The following SYT2 variants were observed in gnomAD, a reference collection of about 807,000 sequenced individuals.
SYT2 encodes synaptotagmin-2.
A neutral mutation model predicts 39.9 loss-of-function variants in SYT2; 15 were observed. The observed-to-expected ratio is 0.38, with a 90% CI of 0.25 to 0.58. The LOEUF (loss-of-function observed/expected upper bound fraction) is 0.58. SYT2 is among the 20% of genes least tolerant of loss of function. The pLI, the probability that SYT2 is intolerant of heterozygous loss-of-function variation, is 0.70. For synonymous variants in SYT2, 181 were observed against 204.5 expected, an observed-to-expected ratio of 0.89 and a Z score of 0.98; for missense variants, 389 against 530.3, an observed-to-expected ratio of 0.73 and a Z score of 2.62.
At chr1:202,641,123 A>G (rs1288897965) in intron 1 of SYT2, among the ~76,000 whole-genome samples, 4 of 152,236 alleles carry the variant, frequency 2.6e-5, no homozygotes, top group African/African-American at 9.6e-5. Context: ...GCTCTAAGAT[A>G]TAAAGTAATT....
intron 5 of SYT2, 26 bp downstream of exon 5, chr1:202,602,352 G>A: frequency 6.2e-7 from 1 of 1,605,462 alleles, no homozygotes; most frequent in Non-Finnish European, 8.5e-7. Flanking sequence ...GCAGGGAGCT[G>A]GAGTCACCCT....
chr1:202,694,888 C>A (rs979839136), intron 1 of SYT2, among the ~76,000 whole-genome samples: 2 of 152,096 alleles, frequency 1.3e-5, no homozygotes, highest in Admixed American at 1.3e-4. Context: ...CATGTCTATA[C>A]CCACACTCAT....
chr1:202,694,230 G>T (rs1237058919), intron 1 of SYT2, among the ~76,000 whole-genome samples: 2 of 152,228 alleles, frequency 1.3e-5, no homozygotes, highest in Non-Finnish European at 2.9e-5. Flanking sequence ...TGGGATACAT[G>T]TGTAATGGTA....
intron 1 of SYT2, among the ~76,000 whole-genome samples, chr1:202,690,959 G>A (rs1036981690): frequency 6.6e-6 from 1 of 152,046 alleles, no homozygotes; most frequent in Non-Finnish European, 1.5e-5. Flanking sequence ...ACTTGACCAC[G>A]GATACTCCTG....
intron 1 of SYT2, among the ~76,000 whole-genome samples, chr1:202,669,646 T>C (rs113150900): frequency 0.012 from 1,755 of 151,430 alleles, 27 homozygotes; most frequent in African/African-American, 0.041. Flanking sequence ...GTGGTCTCAG[T>C]TAATCAGAGG....
chr1:202,680,018 A>G (rs745953692), intron 1 of SYT2, among the ~76,000 whole-genome samples: 7 of 152,186 alleles, frequency 4.6e-5, no homozygotes, highest in Non-Finnish European at 1.0e-4. Context: ...TCTTAGCATG[A>G]CCAGTGTTCC....
rs369518303 is a variant in SYT2, at chr1:202,647,528, G to A, written c.-17-41739C>T. 5.9e-5 allele frequency among the ~76,000 whole-genome samples: 9 copies of A among 151,888 alleles called. No individual in the cohort carries two copies. The East Asian group carries it at 1.2e-3, about 20-fold the overall frequency. On this transcript the variant is annotated intron_variant, in intron 1 of 8. Transcript: ENST00000367268. ...CAACAGTAGCTGAGGCTACCTGCCTGGGCAGTGTGGAGGCAGCCTTGCTGG... is the reference window on the plus strand; with the variant it reads ...CAACAGTAGCTGAGGCTACCTGCCTAGGCAGTGTGGAGGCAGCCTTGCTGG...
At chr1:202,672,517 C>T (rs760182607) in intron 1 of SYT2, among the ~76,000 whole-genome samples, 8 of 151,624 alleles carry the variant, frequency 5.3e-5, no homozygotes, top group African/African-American at 1.2e-4. Context: ...TTCATTTTAG[C>T]GGCTGGTGCA....
intron 1 of SYT2, among the ~76,000 whole-genome samples, chr1:202,695,178 T>C (rs1172485164): frequency 6.6e-6 from 1 of 152,188 alleles, no homozygotes; most frequent in African/African-American, 2.4e-5. Flanking sequence ...TTGGACCTTT[T>C]GTAATCTGCA....
intron 1 of SYT2, among the ~76,000 whole-genome samples, chr1:202,647,548 T>C (rs59815839): frequency 0.29 from 43,865 of 151,722 alleles, 6,525 homozygotes; most frequent in East Asian, 0.44. Flanking sequence ...GAGGCAGCCT[T>C]GCTGGAAACC....
At chr1:202,674,321 C>G (rs749811765) in intron 1 of SYT2, among the ~76,000 whole-genome samples, 1 of 152,070 alleles carries the variant, frequency 6.6e-6, no homozygotes, top group Non-Finnish European at 1.5e-5. Context: ...AGGCTGGTCT[C>G]GAACTCCTGA....
intron 1 of SYT2, among the ~76,000 whole-genome samples, chr1:202,671,212 C>CT (rs1277193707): frequency 7.2e-5 from 11 of 152,304 alleles, no homozygotes; most frequent in African/African-American, 2.2e-4. Flanking sequence ...TCAAAGAGGA[C>CT]TGGGGAAAGC....
chr1:202,597,481 T>TA (rs1162411810), intron 8 of SYT2, among the ~76,000 whole-genome samples: 5 of 152,090 alleles, frequency 3.3e-5, no homozygotes, highest in Non-Finnish European at 5.9e-5. Context: ...TTTGCTTGGG[T>TA]AGAGGCATAG....
At chr1:202,641,559 A>G (rs1691917212) in intron 1 of SYT2, among the ~76,000 whole-genome samples, 1 of 152,242 alleles carries the variant, frequency 6.6e-6, no homozygotes, top group Non-Finnish European at 1.5e-5. Flanking sequence ...GTAAGAAGTT[A>G]TTGTCTCATC....
intron 1 of SYT2, among the ~76,000 whole-genome samples, chr1:202,670,902 G>A (rs904894963): frequency 6.6e-6 from 1 of 152,200 alleles, no homozygotes; most frequent in African/African-American, 2.4e-5. Context: ...CTGATTTAAC[G>A]ACCTGTGGAT....
intron 1 of SYT2, among the ~76,000 whole-genome samples, chr1:202,687,974 G>T (rs549764419): frequency 6.6e-6 from 1 of 152,144 alleles, no homozygotes. Context: ...ACACATTAAC[G>T]GGATGGAGGC....
rs1291038694 is a variant in SYT2, at chr1:202,663,058, G to A, written c.-18+47200C>T. Among the ~76,000 whole-genome samples, 8 of 152,156 alleles carry A rather than the reference G, an allele frequency of 5.3e-5. No individual in the cohort carries two copies. In the East Asian group the frequency reaches 1.2e-3, roughly 22 times the overall value. On this transcript the variant is annotated intron_variant, in intron 1 of 8. Transcript: ENST00000367268. ...ACTTAATCTCTCTCGGCATCATCAT[G>A]AGTCCTCTTTTCTGGAAGTTTTCCT...
rs751836165 is a variant in SYT2, at chr1:202,672,974, C to T, written c.-18+37284G>A. ...AGAAAAAGTCTTAAAAATGTAGAGC[C>T]GAAATAACCAAACTAGCAGCTGGGA... On this transcript the variant is annotated intron_variant, in intron 1 of 8. Coordinates refer to ENST00000367268, the MANE Select transcript of SYT2 (RefSeq NM_177402.5). Among the ~76,000 whole-genome samples, 9 of 151,782 alleles carry T rather than the reference C, an allele frequency of 5.9e-5. No individual in the cohort carries two copies. In the South Asian group the frequency reaches 6.3e-4, roughly 11 times the overall value.
At chr1:202,598,270 T>C (rs1009728559) in intron 8 of SYT2, among the ~76,000 whole-genome samples, 10 of 152,176 alleles carry the variant, frequency 6.6e-5, no homozygotes, top group African/African-American at 2.4e-4. Context: ...AGAATTCAGA[T>C]GAAACAGGCT....
Sources: allele counts gnomAD v4.1 joint callset (sites outside exome capture counted in the v4.1 genomes callset), GRCh38; gene constraint gnomAD v4.1.1; transcripts MANE v1.5; gene names NCBI Gene and HGNC (gene_info 2026-07-23, HGNC 2026-07-21).